BARD1: variants seen among roughly 807,000 people sequenced by gnomAD.
BARD1 encodes BRCA1 associated RING domain 1.
Under a neutral mutation model 77.0 loss-of-function variants are expected in BARD1, and 73 were observed. That is an observed-to-expected ratio of 0.95 (90% CI 0.79 to 1.15). The LOEUF (loss-of-function observed/expected upper bound fraction) is 1.15. BARD1 is among the 50% of genes most tolerant of loss of function. The probability of loss-of-function intolerance (pLI) is 0.00; values close to 1 mark genes in which losing one functional copy is unlikely to be tolerated. For synonymous variants in BARD1, 384 were observed against 338.0 expected (o/e 1.14, Z -1.49); for missense variants, 993 against 938.8 (o/e 1.06, Z -0.75).
At chr2:214,757,448 T>C (rs1693745764) in intron 6 of BARD1, among the ~76,000 whole-genome samples, 1 of 152,276 alleles carries the variant, frequency 6.6e-6, no homozygotes, top group African/African-American at 2.4e-5. Context: ...TGTCATTGCT[T>C]TTTGCTATCT....
chr2:214,806,703 G>A (rs570369155), intron 1 of BARD1, among the ~76,000 whole-genome samples: 15 of 151,888 alleles, frequency 9.9e-5, no homozygotes, highest in African/African-American at 2.4e-4. Context: ...ATGAAACCCC[G>A]TCTCTAGTAA....
intron 4 of BARD1, among the ~76,000 whole-genome samples, chr2:214,777,027 G>T (rs1694765991): frequency 6.6e-6 from 1 of 152,116 alleles, no homozygotes; most frequent in African/African-American, 2.4e-5. Flanking sequence ...CAAGAATTAT[G>T]AAGTCCCTGC....
At chr2:214,744,732 G>A (rs549698058) in intron 9 of BARD1, among the ~76,000 whole-genome samples, 15 of 152,210 alleles carry the variant, frequency 9.9e-5, no homozygotes, top group South Asian at 2.1e-4. Flanking sequence ...CCAGGTTCAC[G>A]CCATTCTCCT....
At position 214,781,310 on chromosome 2, in the gene BARD1, A is replaced by G. The variant is rs748511245; in HGVS notation, c.564T>C (p.Pro188=). 1.2e-6 allele frequency: 2 copies of G among 1,611,848 alleles called. No individual in the cohort carries two copies. Among genetic ancestry groups the G allele is most frequent in the Non-Finnish European group, 1.7e-6 (2 of 1,179,554 alleles). ...DSYEFVSPSP[P]ADVSERAKKA... ...TTTTAGCCCTCTCAGAAACATCTGC[A>G]GGAGGACTTGGGGAAACAAATTCAT... The change falls in exon 4 of 11, where the codon CCT becomes CCC. Residue 188 remains proline (P), a synonymous_variant. Coordinates refer to ENST00000260947, the MANE Select transcript of BARD1 (RefSeq NM_000465.4).
At chr2:214,781,695 G>C (rs775368339) in intron 3 of BARD1, among the ~76,000 whole-genome samples, 186 bp from the exon 4 acceptor site, 2 of 151,948 alleles carry the variant, frequency 1.3e-5, no homozygotes, top group Non-Finnish European at 2.9e-5. Context: ...TACTGAATCC[G>C]ACTTTGTGCC....
Position 214,728,919 on chromosome 2 carries a change from T to A in BARD1, c.2091A>T (p.Ala697=), listed in dbSNP as rs786201573. Residue 697 remains alanine (A), a synonymous_variant, in exon 11 of 11, where the codon GCA becomes GCT. Coordinates refer to ENST00000260947, the MANE Select transcript of BARD1 (RefSeq NM_000465.4). The part of the protein sequence containing the change: ...PKDNLIKLVT[A]GGGQILSRKP... ...TTCTACTGAGGATCTGGCCCCCACC[T>A]GCAGTGACGAGCTTAATAAGGTTGT... is the stretch of plus-strand genomic sequence containing the variant. 2.5e-6 allele frequency: 4 copies of A among 1,614,206 alleles called. No homozygotes were observed. The highest frequency in any genetic ancestry group is 3.4e-6 in the Non-Finnish European group (4 of 1,180,038).
intron 1 of BARD1, among the ~76,000 whole-genome samples, chr2:214,798,427 C>G (rs1470217311): frequency 6.6e-6 from 1 of 152,068 alleles, no homozygotes; most frequent in Non-Finnish European, 1.5e-5. Context: ...GTTATTTGAC[C>G]TAGCAAACCT....
At chr2:214,797,566 G>C (rs1022722668) in intron 1 of BARD1, among the ~76,000 whole-genome samples, 3 of 152,134 alleles carry the variant, frequency 2.0e-5, no homozygotes, top group African/African-American at 7.2e-5. Context: ...TGAGAGTGAA[G>C]AGGAGTGATA....
chr2:214,748,300 T>C (rs900494160), intron 7 of BARD1, among the ~76,000 whole-genome samples: 4 of 152,000 alleles, frequency 2.6e-5, no homozygotes, highest in African/African-American at 7.2e-5. Context: ...TGGGGTGAGG[T>C]GGCATGGGGG....
At chr2:214,739,134 G>GT (rs1477634753) in intron 9 of BARD1, among the ~76,000 whole-genome samples, 1 of 152,068 alleles carries the variant, frequency 6.6e-6, no homozygotes, top group Non-Finnish European at 1.5e-5. Context: ...GTGTGACAGA[G>GT]TGAGGGAGGG....
chr2:214,756,492 G>A (rs1367238184), intron 6 of BARD1, among the ~76,000 whole-genome samples: 1 of 152,176 alleles, frequency 6.6e-6, no homozygotes, highest in Admixed American at 6.5e-5. Context: ...CTACCCAGAG[G>A]AAAAGAAGTC....
rs772285343 is a variant in BARD1, at chr2:214,769,266, G to A, written c.1361C>T (p.Pro454Leu). 6.2e-7 allele frequency: 1 copy of A among 1,613,662 alleles called. No individual in the cohort carries two copies. The highest frequency in any genetic ancestry group is 2.2e-5 in the East Asian group (1 of 44,838). Reference sequence around the variant, plus strand: ...CCATCCAGCATGGTCTTTAACATTTGGATCACTTCCATTTTGTAAAAGGTA... The same window carrying A: ...CCATCCAGCATGGTCTTTAACATTTAGATCACTTCCATTTTGTAAAAGGTA... ...VEYLLQNGSD[P>L]NVKDHAGWTP... The change falls in exon 5 of 11, where the codon CCA (proline) becomes CTA (leucine). Residue 454 changes from proline to leucine, a missense_variant. Transcript: ENST00000260947.
rs1060504191 is a variant in BARD1 at position 214,809,423 on chromosome 2, G to T, written c.147C>A (p.Arg49=). The stretch of plus-strand genomic sequence containing the variant: ...AGCTCCGTCTTTACCAACGCGAGCA[G>T]CGCAGCAGCTTCTCCAGGCGGTCGA... The part of the protein sequence containing the change: ...AALDRLEKLL[R]CSRCTNILRE... Residue 49 remains arginine (R), a synonymous_variant, in exon 1 of 11, where the codon CGC becomes CGA. Transcript: ENST00000260947. The T allele has an allele frequency of 3.7e-6, 6 of 1,612,482 alleles. No individual in the cohort carries two copies. The highest frequency in any genetic ancestry group is 3.4e-6 in the Non-Finnish European group (4 of 1,179,832).
intron 4 of BARD1, among the ~76,000 whole-genome samples, chr2:214,779,845 TCA>T (rs1039253363): frequency 2.0e-5 from 3 of 152,212 alleles, no homozygotes; most frequent in Admixed American, 6.5e-5. Context: ...TTGCATGAAA[TCA>T]CAGAGCAAAG....
chr2:214,780,920 A>G lies in BARD1; in HGVS notation c.954T>C (p.Asn318=), dbSNP rs771502065. The G allele has an allele frequency of 6.2e-7, 1 of 1,613,866 alleles. No homozygotes were observed. Among genetic ancestry groups the G allele is most frequent in the Non-Finnish European group, 8.5e-7 (1 of 1,179,962 alleles). Residue 318 remains asparagine (N), a synonymous_variant, in exon 4 of 11, where the codon AAT becomes AAC. Transcript: ENST00000260947. ...TATTGTGATGGCCACGTTTTCCATT[A>G]TTTTCTAATGGCAAAGATTTCTTAG... ...LTSKKSLPLE[N]NGKRGHHNRL... is the part of the protein sequence containing the mutation.
intron 6 of BARD1, among the ~76,000 whole-genome samples, chr2:214,759,765 T>C (rs541945665): frequency 1.7e-3 from 253 of 152,168 alleles, no homozygotes; most frequent in African/African-American, 5.5e-3. Flanking sequence ...ACAGCCTCTA[T>C]GGGAAAAAAT....
intron 7 of BARD1, among the ~76,000 whole-genome samples, chr2:214,750,744 T>G (rs879877300): frequency 6.6e-6 from 1 of 152,136 alleles, no homozygotes; most frequent in Admixed American, 6.5e-5. Flanking sequence ...GGAAAGACTT[T>G]AGTGTCTCTT....
chr2:214,753,088 A>C (rs1200347233), intron 6 of BARD1, among the ~76,000 whole-genome samples: 1 of 152,202 alleles, frequency 6.6e-6, no homozygotes, highest in Non-Finnish European at 1.5e-5. Flanking sequence ...TCGCAGAACA[A>C]AGTATTATGG....
At chr2:214,761,079 A>T (rs1243228535) in intron 6 of BARD1, among the ~76,000 whole-genome samples, 4 of 151,866 alleles carry the variant, frequency 2.6e-5, no homozygotes, top group Non-Finnish European at 4.4e-5. Context: ...GATAAAAAAA[A>T]AAAGTCCATT....
Sources: allele counts gnomAD v4.1 joint callset (sites outside exome capture counted in the v4.1 genomes callset), GRCh38; gene constraint gnomAD v4.1.1; transcripts MANE v1.5; gene names NCBI Gene and HGNC (gene_info 2026-07-23, HGNC 2026-07-21).